Variants in ITGA9 observed in about 807,000 individuals in gnomAD.
The protein encoded by ITGA9 is integrin subunit alpha 9, also known as integrin alpha-9.
In ITGA9, 56 loss-of-function variants were observed where a neutral mutation model predicts 127.8. That is an observed-to-expected ratio of 0.44 (90% CI 0.35 to 0.55). The LOEUF is 0.55. ITGA9 is among the 20% of genes least tolerant of loss of function. The probability of loss-of-function intolerance (pLI) is 0.00; values close to 1 mark genes in which losing one functional copy is unlikely to be tolerated. For missense variants in ITGA9, 1,196 were observed against 1,347.1 expected (o/e 0.89, Z 1.76); for synonymous variants, 508 against 514.5 (o/e 0.99, Z 0.17).
chr3:37,659,009 C>T (rs1441447576), intron 17 of ITGA9, among the ~76,000 whole-genome samples: 1 of 152,204 alleles, frequency 6.6e-6, no homozygotes, highest in Non-Finnish European at 1.5e-5. Context: ...TTGGCCCCCA[C>T]TCTCTGCTGG....
At chr3:37,461,235 C>T (rs117915971) in intron 1 of ITGA9, among the ~76,000 whole-genome samples, 2 of 152,288 alleles carry the variant, frequency 1.3e-5, no homozygotes, top group Non-Finnish European at 2.9e-5. Context: ...TAAAAGGGGG[C>T]ACTGCTGAGA....
At chr3:37,720,778 T>A (rs933322277) in intron 18 of ITGA9, among the ~76,000 whole-genome samples, 2 of 152,164 alleles carry the variant, frequency 1.3e-5, no homozygotes, top group African/African-American at 4.8e-5. Context: ...TCACCAGGAT[T>A]TAGGGGAGTG....
At chr3:37,478,963 G>C (rs115020200) in intron 3 of ITGA9, among the ~76,000 whole-genome samples, 4,647 of 152,310 alleles carry the variant, frequency 0.031, 106 homozygotes, top group Non-Finnish European at 0.048. Context: ...CTTCCTATAA[G>C]TGTCAGTGTG....
chr3:37,547,984 T>C (rs1351095122), intron 15 of ITGA9, among the ~76,000 whole-genome samples: 3 of 152,224 alleles, frequency 2.0e-5, no homozygotes, highest in African/African-American at 7.2e-5. Flanking sequence ...TTTTATTTTA[T>C]GCAAATAGTA....
rs940393068 is a variant in ITGA9 at position 37,820,961 on chromosome 3, C to G, written c.*1972C>G. 6.6e-6 allele frequency: 1 copy of G among 152,210 alleles called. No individual in the cohort carries two copies. Among genetic ancestry groups the G allele is most frequent in the Non-Finnish European group, 1.5e-5 (1 of 68,036 alleles). The allele number at this position is 152,210 out of a possible 1,614,324, so 9.4% of individuals were successfully genotyped here. A position where few individuals can be genotyped will look rare whatever the true frequency, so the allele number is the denominator to read the frequency against. ...AATACACATACTTGGCTAATACTCA[C>G]AAACATATCTAAAGTTTTGGCAAAA... On this transcript the variant is annotated 3_prime_UTR_variant, in exon 28 of 28. Coordinates refer to ENST00000264741, the MANE Select transcript of ITGA9 (RefSeq NM_002207.3).
At position 37,491,764 on chromosome 3, in the gene ITGA9, C is replaced by T. The variant is rs73826589; in HGVS notation, c.545-2737C>T. 6.8e-3 allele frequency among the ~76,000 whole-genome samples: 1,032 copies of T among 152,172 alleles called. 13 individuals carry two copies. Among genetic ancestry groups the T allele is most frequent in the African/African-American group, 0.023 (951 of 41,488 alleles). On this transcript the variant is annotated intron_variant, in intron 4 of 27. Coordinates refer to ENST00000264741, the MANE Select transcript of ITGA9 (RefSeq NM_002207.3). ...GTTGTATTTTTAAGTTTTTTAGATA[C>T]GAGTATGGTAGAATAACCCTATGTA...
intron 18 of ITGA9, among the ~76,000 whole-genome samples, chr3:37,719,795 C>G (rs950202560): frequency 6.6e-6 from 1 of 152,204 alleles, no homozygotes; most frequent in Admixed American, 6.5e-5. Context: ...TCCCTGAGAT[C>G]ACTGCCCATA....
intron 15 of ITGA9, among the ~76,000 whole-genome samples, chr3:37,563,960 A>T (rs546491757): frequency 1.2e-4 from 19 of 152,344 alleles, no homozygotes; most frequent in African/African-American, 4.6e-4. Flanking sequence ...GCATTTCCCA[A>T]AGCATTTTTT....
intron 18 of ITGA9, among the ~76,000 whole-genome samples, chr3:37,695,174 G>C (rs1323942223): frequency 6.6e-6 from 1 of 152,114 alleles, no homozygotes; most frequent in African/African-American, 2.4e-5. Context: ...AGGAATAAGT[G>C]GTAGAAAGTG....
intron 17 of ITGA9, 44 bp downstream of exon 17, chr3:37,653,834 T>G: frequency 6.9e-7 from 1 of 1,453,722 alleles, no homozygotes; most frequent in East Asian, 2.3e-5. Flanking sequence ...AGGCTCCTTT[T>G]TCTTGACCCC....
chr3:37,649,572 C>A, intron 16 of ITGA9, among the ~76,000 whole-genome samples: 1 of 152,174 alleles, frequency 6.6e-6, no homozygotes, highest in East Asian at 1.9e-4. Context: ...GTATATACAA[C>A]ACTGACAGAT....
At chr3:37,528,303 C>T (rs532250251) in intron 13 of ITGA9, among the ~76,000 whole-genome samples, 1 of 152,266 alleles carries the variant, frequency 6.6e-6, no homozygotes, top group South Asian at 2.1e-4. Flanking sequence ...GTGGGAGACC[C>T]CAGACTCCAG....
chr3:37,804,054 T>C (rs1697266324), intron 27 of ITGA9, 112 bp downstream of exon 27: 1 of 1,501,478 alleles, frequency 6.7e-7, no homozygotes. Flanking sequence ...ATGGCACCGG[T>C]ACAGTGAAGG....
At chr3:37,533,574 G>A in intron 14 of ITGA9, 106 bp downstream of exon 14, 1 of 1,147,994 alleles carries the variant, frequency 8.7e-7, no homozygotes, top group Non-Finnish European at 1.3e-6. Context: ...GGTTTTGCAG[G>A]CAGCAGGCAC....
At chr3:37,800,952 G>C (rs1365569990) in intron 26 of ITGA9, among the ~76,000 whole-genome samples, 1 of 152,026 alleles carries the variant, frequency 6.6e-6, no homozygotes, top group African/African-American at 2.4e-5. Flanking sequence ...GGAGTTCGAG[G>C]CCAGGAGTTC....
At chr3:37,641,400 A>G (rs1248283905) in intron 16 of ITGA9, among the ~76,000 whole-genome samples, 3 of 152,140 alleles carry the variant, frequency 2.0e-5, no homozygotes, top group African/African-American at 2.4e-5. Context: ...AGGCTCTCAG[A>G]TGAACCTCTC....
chr3:37,636,870 C>A (rs1700284430), intron 16 of ITGA9, among the ~76,000 whole-genome samples: 1 of 151,776 alleles, frequency 6.6e-6, no homozygotes, highest in African/African-American at 2.4e-5. Flanking sequence ...GTTTTCCCAG[C>A]ACCATTTATT....
chr3:37,599,824 A>G (rs4678571), intron 15 of ITGA9, among the ~76,000 whole-genome samples: 42,642 of 152,226 alleles, frequency 0.28, 6,696 homozygotes, highest in East Asian at 0.46. Flanking sequence ...TGTATTTTGC[A>G]TGTTTCTCAT....
chr3:37,715,812 C>G (rs1159430546), intron 18 of ITGA9, among the ~76,000 whole-genome samples: 1 of 152,198 alleles, frequency 6.6e-6, no homozygotes, highest in Non-Finnish European at 1.5e-5. Flanking sequence ...TGACTGGCAT[C>G]TCTATACCAG....
Sources: allele counts gnomAD v4.1 joint callset (sites outside exome capture counted in the v4.1 genomes callset), GRCh38; gene constraint gnomAD v4.1.1; transcripts MANE v1.5; gene names NCBI Gene and HGNC (gene_info 2026-07-23, HGNC 2026-07-21).